INSL6: variants seen among roughly 807,000 people sequenced by gnomAD.
INSL6 encodes the protein insulin-like peptide INSL6.
INSL6 carries 16 observed loss-of-function variants against 9.4 expected under a neutral mutation model. That is an observed-to-expected ratio of 1.70 (90% confidence interval 1.15 to 2.59). INSL6 has a LOEUF of 2.59. INSL6 is among the 30% of genes most tolerant of loss of function. INSL6 has a pLI of 0.00. For synonymous variants in INSL6, 154 were observed against 96.9 expected (o/e 1.59, Z -3.46); for missense variants, 391 against 257.3 (o/e 1.52, Z -3.56).
chr9:5,089,051 A>C, the INSL6 span, among the ~76,000 whole-genome samples: 582 of 152,344 alleles, frequency 3.8e-3, 5 homozygotes, highest in African/African-American at 0.014. Context: ...TAGTGACAAA[A>C]GTTTAGGAAT....
At chr9:5,154,219 G>C (rs913710980) in intron 2 of INSL6, among the ~76,000 whole-genome samples, 1 of 152,180 alleles carries the variant, frequency 6.6e-6, no homozygotes, top group African/African-American at 2.4e-5. Context: ...ACAAGAAATG[G>C]GGAAAGGATT....
At chr9:5,182,697 T>C (rs1018091122) in intron 1 of INSL6, among the ~76,000 whole-genome samples, 2 of 152,150 alleles carry the variant, frequency 1.3e-5, no homozygotes, top group Non-Finnish European at 2.9e-5. Context: ...TATGGGAATA[T>C]GATTAATCTA....
the INSL6 span, chr9:5,090,977 T>G: frequency 8.8e-7 from 1 of 1,142,430 alleles, no homozygotes; most frequent in Non-Finnish European, 1.2e-6. Flanking sequence ...TTGTTGTTAT[T>G]TAATAGTTTG....
At chr9:5,061,269 T>C in the INSL6 span, among the ~76,000 whole-genome samples, 3 of 152,224 alleles carry the variant, frequency 2.0e-5, no homozygotes, top group Admixed American at 6.5e-5. Flanking sequence ...GCCTATCCTT[T>C]GAAGTTTGAA....
At chr9:5,000,261 T>C in the INSL6 span, among the ~76,000 whole-genome samples, 1 of 152,158 alleles carries the variant, frequency 6.6e-6, no homozygotes, top group African/African-American at 2.4e-5. Flanking sequence ...AGAAAGGAGG[T>C]ACATAATGTG....
At chr9:5,170,267 A>G (rs943438246) in intron 1 of INSL6, among the ~76,000 whole-genome samples, 2 of 152,212 alleles carry the variant, frequency 1.3e-5, no homozygotes, top group Non-Finnish European at 2.9e-5. Context: ...GTAAATGATA[A>G]AATTAAGGCA....
the INSL6 span, among the ~76,000 whole-genome samples, chr9:5,048,719 A>G: frequency 6.6e-6 from 1 of 152,200 alleles, no homozygotes; most frequent in Non-Finnish European, 1.5e-5. Context: ...ATTAATAGAA[A>G]AGCAAATATA....
chr9:5,085,693 C>G, the INSL6 span: 2 of 741,656 alleles, frequency 2.7e-6, no homozygotes, highest in Non-Finnish European at 5.0e-6. Context: ...ATAACGTCAT[C>G]GTGAACAAGA....
the INSL6 span, among the ~76,000 whole-genome samples, chr9:5,044,962 G>C: frequency 6.6e-6 from 1 of 152,252 alleles, no homozygotes. Context: ...CTGATAGTTT[G>C]TTTAGCTGTT....
intron 1 of INSL6, among the ~76,000 whole-genome samples, chr9:5,183,446 G>A (rs560924390): frequency 6.6e-6 from 1 of 152,252 alleles, no homozygotes; most frequent in Non-Finnish European, 1.5e-5. Flanking sequence ...GCAGCTTCCT[G>A]CTCATTATTA....
chr9:5,064,897 C>G, the INSL6 span: 1 of 1,579,002 alleles, frequency 6.3e-7, no homozygotes, highest in African/African-American at 1.4e-5. Flanking sequence ...TTGAACTTAG[C>G]TCATTAAGGG....
chr9:5,017,920 G>A, the INSL6 span, among the ~76,000 whole-genome samples: 2 of 152,130 alleles, frequency 1.3e-5, no homozygotes, highest in African/African-American at 4.8e-5. Flanking sequence ...CTTAAAGTCT[G>A]TTGTATCTGA....
intron 3 of INSL6, among the ~76,000 whole-genome samples, chr9:5,130,983 C>A (rs1824268329): frequency 2.0e-5 from 3 of 152,012 alleles, no homozygotes; most frequent in African/African-American, 4.8e-5. Flanking sequence ...CCCGCCTCGG[C>A]CTCCCAAAGT....
In INSL6 at chr9:5,143,907, G is replaced by A. The variant is rs371776178; in HGVS notation, c.377-10315C>T. 4.2e-3 allele frequency among the ~76,000 whole-genome samples: 631 copies of A among 151,276 alleles called. 3 individuals carry two copies. Among genetic ancestry groups the A allele is most frequent in the African/African-American group, 0.015 (605 of 41,208 alleles). On this transcript the variant is annotated intron_variant, in intron 2 of 3. Coordinates refer to the INSL6 transcript ENST00000649639. ...ACTCCTGACCTCAGGTAATACACCCGCCTCAGCCTCCCAAAGTGCTGGGAT... is the reference window on the plus strand; with the variant it reads ...ACTCCTGACCTCAGGTAATACACCCACCTCAGCCTCCCAAAGTGCTGGGAT...
chr9:5,109,173 CTTACATA>C, the INSL6 span: 1 of 152,180 alleles, frequency 6.6e-6, no homozygotes, highest in African/African-American at 2.4e-5. Flanking sequence ...ATGAGGGACA[CTTACATA>C]TTACATTAAC....
At chr9:5,114,269 G>T in the INSL6 span, 1 of 545,016 alleles carries the variant, frequency 1.8e-6, no homozygotes, top group East Asian at 4.5e-5. Context: ...TGGTGGACCT[G>T]GCACCCAGCA....
Position 5,131,460 on chromosome 9 carries a change from A to T in INSL6, c.*10+1965T>A. The stretch of plus-strand genomic sequence containing the variant: ...ATTTTTTTTTTTTTTTTTTTGAGAC[A>T]GAGTTTTGCTCTTGTCGTCCAGGCT... On this transcript the variant is annotated intron_variant, in intron 3 of 3. Transcript: ENST00000649639. Among the ~76,000 whole-genome samples, 3 of 65,458 alleles carry T rather than the reference A, an allele frequency of 4.6e-5. No individual in the cohort carries two copies. In the South Asian group the frequency reaches 1.3e-3, roughly 29 times the overall value. 42.9% of individuals were successfully genotyped at this position (65,458 alleles called of 152,430 possible).
At chr9:5,046,171 A>G in the INSL6 span, among the ~76,000 whole-genome samples, 1 of 152,160 alleles carries the variant, frequency 6.6e-6, no homozygotes, top group African/African-American at 2.4e-5. Flanking sequence ...CCATCTGTTT[A>G]TCTTCTTTGC....
chr9:5,056,746 TAATA>T, the INSL6 span, among the ~76,000 whole-genome samples: 1 of 152,176 alleles, frequency 6.6e-6, no homozygotes, highest in African/African-American at 2.4e-5. Flanking sequence ...TGTGGATATA[TAATA>T]AATGTTTCTG....
Sources: allele counts gnomAD v4.1 joint callset (sites outside exome capture counted in the v4.1 genomes callset), GRCh38; gene constraint gnomAD v4.1.1; transcripts MANE v1.5; gene names NCBI Gene and HGNC (gene_info 2026-07-23, HGNC 2026-07-21).